NPAS3: variants seen among roughly 807,000 people sequenced by gnomAD.
The protein encoded by NPAS3 is neuronal PAS domain protein 3.
NPAS3 carries 14 observed loss-of-function variants against 73.1 expected under a neutral mutation model. The ratio of observed to expected loss-of-function variants is 0.19; its 90% CI spans 0.13 to 0.30. The LOEUF (loss-of-function observed/expected upper bound fraction) is 0.30. Ranked by LOEUF, NPAS3 falls within the 10% of genes least tolerant of loss-of-function variation. The pLI, the probability that NPAS3 is intolerant of heterozygous loss-of-function variation, is 1.00. For missense variants in NPAS3, 1,096 were observed against 1,250.0 expected, an observed-to-expected ratio of 0.88 and a Z score of 1.86; for synonymous variants, 620 against 541.5, an observed-to-expected ratio of 1.14 and a Z score of -2.01.
intron 4 of NPAS3, among the ~76,000 whole-genome samples, chr14:33,452,656 T>G (rs1473320961): frequency 6.6e-6 from 1 of 151,544 alleles, no homozygotes; most frequent in Non-Finnish European, 1.5e-5. Flanking sequence ...GTGCCTGTAG[T>G]CCCAACTACT....
At chr14:33,187,992 C>T (rs10149666) in intron 2 of NPAS3, among the ~76,000 whole-genome samples, 1 of 152,102 alleles carries the variant, frequency 6.6e-6, no homozygotes, top group Non-Finnish European at 1.5e-5. Flanking sequence ...TTTGCAAATG[C>T]AAAAGCTGAA....
At chr14:33,449,390 T>C (rs562859986) in intron 4 of NPAS3, among the ~76,000 whole-genome samples, 2 of 152,344 alleles carry the variant, frequency 1.3e-5, no homozygotes, top group African/African-American at 4.8e-5. Context: ...TTAATTTATG[T>C]GTTGTCATGG....
chr14:33,409,131 G>T (rs1225813924), intron 4 of NPAS3, among the ~76,000 whole-genome samples: 2 of 152,106 alleles, frequency 1.3e-5, no homozygotes, highest in Non-Finnish European at 2.9e-5. Context: ...CAAGAATAGG[G>T]TCCATACTAT....
chr14:33,034,982 G>GA (rs2040116940), intron 1 of NPAS3, among the ~76,000 whole-genome samples: 1 of 152,118 alleles, frequency 6.6e-6, no homozygotes, highest in Non-Finnish European at 1.5e-5. Context: ...CAATTTCATA[G>GA]AAAAAATATC....
At chr14:33,086,731 A>C (rs914379085) in intron 2 of NPAS3, among the ~76,000 whole-genome samples, 2 of 152,170 alleles carry the variant, frequency 1.3e-5, no homozygotes, top group Non-Finnish European at 2.9e-5. Flanking sequence ...TTTTAAATGA[A>C]ATATAACTTT....
At chr14:33,033,966 T>A (rs576566995) in intron 1 of NPAS3, among the ~76,000 whole-genome samples, 41 of 152,298 alleles carry the variant, frequency 2.7e-4, no homozygotes, top group Non-Finnish European at 5.6e-4. Context: ...AAACACAATA[T>A]CAAAAACAAT....
chr14:33,330,756 G>T (rs567200848), intron 3 of NPAS3, among the ~76,000 whole-genome samples: 29 of 151,804 alleles, frequency 1.9e-4, no homozygotes, highest in South Asian at 8.3e-4. Flanking sequence ...TCAGGGACTA[G>T]ATTTTTATGG....
chr14:33,797,481 C>A, exon 11 of NPAS3: 1 of 1,614,224 alleles, frequency 6.2e-7, no homozygotes, highest in Non-Finnish European at 8.5e-7. Context: ...AGGACACACC[C>A]ATGGACATCG....
rs1015344158 is a variant in NPAS3, at chr14:33,720,967, C to T, written c.734-14247C>T. ...AAATATATAAATATGGAAAATCCTG[C>T]GATTACATGTTCTGCATGTATCTAA... On this transcript the variant is annotated intron_variant, in intron 6 of 11. Coordinates refer to ENST00000356141, the Ensembl canonical transcript of NPAS3. Among the ~76,000 whole-genome samples, 5 of 151,964 alleles carry T rather than the reference C, an allele frequency of 3.3e-5. No individual in the cohort carries two copies. In the East Asian group the frequency reaches 9.6e-4, roughly 29 times the overall value.
intron 4 of NPAS3, among the ~76,000 whole-genome samples, chr14:33,482,548 T>A (rs2051380304): frequency 6.6e-6 from 1 of 151,010 alleles, no homozygotes; most frequent in South Asian, 2.1e-4. Context: ...AGAAGGGGAG[T>A]GGATAATAGG....
intron 6 of NPAS3, among the ~76,000 whole-genome samples, chr14:33,732,863 C>T (rs1365797654): frequency 2.0e-5 from 3 of 152,306 alleles, no homozygotes; most frequent in African/African-American, 7.2e-5. Context: ...CTCCACAGCT[C>T]ACGTGAAGCT....
At chr14:33,196,766 G>C (rs1376222858) in intron 2 of NPAS3, among the ~76,000 whole-genome samples, 1 of 152,144 alleles carries the variant, frequency 6.6e-6, no homozygotes, top group African/African-American at 2.4e-5. Context: ...TTTACATTTA[G>C]CACACAGTAA....
chr14:32,968,745 G>A (rs1270130692), intron 1 of NPAS3, among the ~76,000 whole-genome samples: 2 of 151,364 alleles, frequency 1.3e-5, no homozygotes, highest in African/African-American at 2.4e-5. Flanking sequence ...GTCAAACGCT[G>A]GGGCCAGGGA....
chr14:33,276,560 C>T (rs2041344146), intron 3 of NPAS3, among the ~76,000 whole-genome samples: 1 of 151,988 alleles, frequency 6.6e-6, no homozygotes, highest in African/African-American at 2.4e-5. Context: ...TGGGATAAAT[C>T]CCAAGTTTAC....
Position 33,782,756 on chromosome 14 carries a change from T to C in NPAS3, c.1153+4184T>C, listed in dbSNP as rs182757081. 2.0e-5 allele frequency among the ~76,000 whole-genome samples: 3 copies of C among 151,868 alleles called. No homozygotes were observed. The East Asian group carries it at 5.8e-4, about 29-fold the overall frequency. ...TTCAGAAAGACAGAAGGACTTCAGATTGCCTTTGAGATCACATGCAGTTAA... is the reference window on the plus strand; with the variant it reads ...TTCAGAAAGACAGAAGGACTTCAGACTGCCTTTGAGATCACATGCAGTTAA... On this transcript the variant is annotated intron_variant, in intron 9 of 11. Transcript: ENST00000356141.
chr14:33,422,960 T>C (rs1234606993), intron 4 of NPAS3, among the ~76,000 whole-genome samples: 2 of 152,032 alleles, frequency 1.3e-5, no homozygotes, highest in Non-Finnish European at 2.9e-5. Flanking sequence ...GTCACTTAGT[T>C]TATTCAGTGT....
intron 3 of NPAS3, among the ~76,000 whole-genome samples, chr14:33,289,631 G>A (rs1421097130): frequency 1.3e-5 from 2 of 151,986 alleles, no homozygotes; most frequent in Admixed American, 1.3e-4. Context: ...GACCAGCCTG[G>A]CCAACATGGT....
At chr14:33,196,508 G>A (rs145601360) in intron 2 of NPAS3, among the ~76,000 whole-genome samples, 1 of 152,202 alleles carries the variant, frequency 6.6e-6, no homozygotes, top group Non-Finnish European at 1.5e-5. Context: ...TGGCTCATGT[G>A]AGGATCTGTT....
At chr14:33,030,579 A>T (rs1306957410) in intron 1 of NPAS3, among the ~76,000 whole-genome samples, 2 of 152,162 alleles carry the variant, frequency 1.3e-5, no homozygotes, top group Non-Finnish European at 2.9e-5. Context: ...ACTTTAATGG[A>T]TATGAGCTAT....
Sources: gnomAD v4.1 joint callset for allele counts (sites outside exome capture counted in the v4.1 genomes callset) on GRCh38, gnomAD v4.1.1 for gene constraint, MANE v1.5 for transcripts, NCBI Gene and HGNC (gene_info 2026-07-23, HGNC 2026-07-21) for gene names.